Variants in CYTH3 observed in about 807,000 individuals in gnomAD.
The protein encoded by CYTH3 is cytohesin-3.
A neutral mutation model predicts 55.1 loss-of-function variants in CYTH3; 23 were observed. The observed-to-expected ratio is 0.42, with a 90% CI of 0.30 to 0.59. CYTH3 has a LOEUF of 0.59. Ranked by LOEUF, CYTH3 falls within the 20% of genes least tolerant of loss-of-function variation. CYTH3 has a pLI of 0.20. For missense variants in CYTH3, 413 were observed against 524.8 expected (o/e 0.79, Z 2.08); for synonymous variants, 249 against 194.9 (o/e 1.28, Z -2.31).
intron 1 of CYTH3, among the ~76,000 whole-genome samples, chr7:6,230,524 G>C (rs1011947414): frequency 1.3e-5 from 2 of 152,126 alleles, no homozygotes; most frequent in Non-Finnish European, 2.9e-5. Flanking sequence ...TGTGTCTTAG[G>C]GGACTGAAAT....
intron 1 of CYTH3, among the ~76,000 whole-genome samples, chr7:6,234,519 G>A (rs566343139): frequency 6.6e-6 from 1 of 152,302 alleles, no homozygotes; most frequent in East Asian, 1.9e-4. Context: ...AAGCCCCATA[G>A]AGGAAGTCAC....
intron 1 of CYTH3, among the ~76,000 whole-genome samples, chr7:6,193,886 G>A (rs1302917510): frequency 6.6e-6 from 1 of 152,098 alleles, no homozygotes; most frequent in Non-Finnish European, 1.5e-5. Context: ...CTTCTCCACT[G>A]GGCTCCCCGA....
At chr7:6,226,228 A>T (rs140983979) in intron 1 of CYTH3, among the ~76,000 whole-genome samples, 2 of 152,316 alleles carry the variant, frequency 1.3e-5, no homozygotes, top group Admixed American at 1.3e-4. Context: ...CCTCCTGTAC[A>T]CACACATCCA....
At chr7:6,181,705 C>A (rs1481423768) in intron 4 of CYTH3, among the ~76,000 whole-genome samples, 1 of 152,168 alleles carries the variant, frequency 6.6e-6, no homozygotes, top group African/African-American at 2.4e-5. Context: ...TTCCTCTCCT[C>A]CACTTTCCAT....
intron 1 of CYTH3, among the ~76,000 whole-genome samples, chr7:6,203,298 T>C (rs1028026885): frequency 5.3e-5 from 8 of 152,304 alleles, no homozygotes; most frequent in Middle Eastern, 3.4e-3. Context: ...TTTTCACATT[T>C]TAACATATTT....
At chr7:6,215,905 G>T (rs895230250) in intron 1 of CYTH3, among the ~76,000 whole-genome samples, 1 of 152,198 alleles carries the variant, frequency 6.6e-6, no homozygotes, top group Non-Finnish European at 1.5e-5. Flanking sequence ...CATTCTTCAA[G>T]TGAAGAAAGA....
chr7:6,177,487 T>C (rs1341019804), intron 5 of CYTH3, among the ~76,000 whole-genome samples: 2 of 152,206 alleles, frequency 1.3e-5, no homozygotes, highest in Non-Finnish European at 2.9e-5. Context: ...AAATCAGGCT[T>C]ATTTCTGGGC....
At chr7:6,271,746 G>A (rs1041042346) in intron 1 of CYTH3, among the ~76,000 whole-genome samples, 3 of 152,098 alleles carry the variant, frequency 2.0e-5, no homozygotes, top group African/African-American at 4.8e-5. Flanking sequence ...CGACCCACTC[G>A]GGAGCACACC....
chr7:6,206,864 C>G (rs1425949914), intron 1 of CYTH3, among the ~76,000 whole-genome samples: 1 of 152,030 alleles, frequency 6.6e-6, no homozygotes, highest in African/African-American at 2.4e-5. Flanking sequence ...AAGTAAAGGT[C>G]AAATCCCAGC....
chr7:6,265,687 G>A (rs577181250), intron 1 of CYTH3, among the ~76,000 whole-genome samples: 1 of 152,026 alleles, frequency 6.6e-6, no homozygotes, highest in South Asian at 2.1e-4. Flanking sequence ...CCATGGCCAT[G>A]GTAAGGTGGT....
intron 1 of CYTH3, among the ~76,000 whole-genome samples, chr7:6,258,099 T>C (rs1300099784): frequency 6.6e-6 from 1 of 152,102 alleles, no homozygotes. Flanking sequence ...CGTAGCAAGA[T>C]CTTGTCTCTA....
At chr7:6,194,550 T>C (rs888783027) in intron 1 of CYTH3, among the ~76,000 whole-genome samples, 1 of 152,174 alleles carries the variant, frequency 6.6e-6, no homozygotes, top group African/African-American at 2.4e-5. Flanking sequence ...TGGAAAACAA[T>C]TTGTCTATTA....
intron 1 of CYTH3, among the ~76,000 whole-genome samples, chr7:6,192,529 ATTTTT>A (rs36036670): frequency 2.7e-5 from 3 of 111,314 alleles, no homozygotes; most frequent in South Asian, 3.0e-4. Flanking sequence ...CCACAAGTCA[ATTTTT>A]TTTTTTTTTT....
chr7:6,223,159 T>G (rs923091995), intron 1 of CYTH3, among the ~76,000 whole-genome samples: 1 of 152,056 alleles, frequency 6.6e-6, no homozygotes, highest in Non-Finnish European at 1.5e-5. Context: ...GGCCGCCCCG[T>G]CTGGGAGGTG....
rs1286288312 is a variant in CYTH3 at position 6,164,852 on chromosome 7, C to G, written c.*92G>C. On this transcript the variant is annotated 3_prime_UTR_variant, in exon 13 of 13. Transcript: ENST00000350796. ...AGCAGCAGCTTGCACCGCAGGGCGACTGCCTCCCTGCCACGCCTTCCGCGG... is the reference window on the plus strand; with the variant it reads ...AGCAGCAGCTTGCACCGCAGGGCGAGTGCCTCCCTGCCACGCCTTCCGCGG... 1.4e-6 allele frequency: 2 copies of G among 1,408,790 alleles called. No individual in the cohort carries two copies. The highest frequency in any genetic ancestry group is 1.7e-5 in the Admixed American group (1 of 58,878). 87.3% of individuals were successfully genotyped at this position (1,408,790 alleles called of 1,614,324 possible).
chr7:6,165,602 C>T lies in CYTH3; in HGVS notation c.915G>A (p.Arg305=). The change falls in exon 11 of 13, where the codon AGG becomes AGA. Residue 305 remains arginine (R), a synonymous_variant. Transcript: ENST00000350796. The part of the protein sequence containing the change: ...YFEYTTDKEP[R]GIIPLENLSI... ...TGAGGTTTTCCAACGGGATGATTCC[C>T]CTGGGCTCCTTATCCTACAAGAGGA... The T allele has an allele frequency of 6.2e-7, 1 of 1,614,076 alleles. No homozygotes were observed. The highest frequency in any genetic ancestry group is 8.5e-7 in the Non-Finnish European group (1 of 1,179,972).
At chr7:6,229,649 A>G (rs894083039) in intron 1 of CYTH3, among the ~76,000 whole-genome samples, 6 of 86,998 alleles carry the variant, frequency 6.9e-5, no homozygotes, top group African/African-American at 9.7e-5. Flanking sequence ...GTCTCTACTG[A>G]AAAAAAAAAA....
chr7:6,170,490 T>C lies in CYTH3; in HGVS notation c.823+45A>G, dbSNP rs1477360327. 3 of 1,565,434 alleles carry C rather than the reference T, an allele frequency of 1.9e-6. No homozygotes were observed. The highest frequency in any genetic ancestry group is 1.4e-5 in the African/African-American group (1 of 73,650). On this transcript the variant is annotated intron_variant, in intron 9 of 12. Transcript: ENST00000350796. The surrounding 1 kb of genome is among the most constrained non-coding windows in gnomAD (Gnocchi z 7.8). ...GGAGGAACCCGAGGGGCTGCTGCCA[T>C]GGGCAGAGGGGTCACGCCCGGGTCC...
rs907233447 is a variant in CYTH3 at position 6,229,398 on chromosome 7, G to C, written c.35-38867C>G. Among the ~76,000 whole-genome samples the C allele has an allele frequency of 3.3e-5, 5 of 152,098 alleles. 1 individual carries two copies. In the South Asian group the frequency reaches 1.0e-3, roughly 31 times the overall value. On this transcript the variant is annotated intron_variant, in intron 1 of 12. Transcript: ENST00000350796. ...AGAATGAAGAAAGCGTGCTTGCTGC[G>C]GCAGACTCCAGGAACAAGCAACAGT...
Sources: gnomAD v4.1 joint callset for allele counts (sites outside exome capture counted in the v4.1 genomes callset) on GRCh38, gnomAD v4.1.1 for gene constraint, Gnocchi (gnomAD v3.1) non-coding constraint, MANE v1.5 for transcripts, NCBI Gene and HGNC (gene_info 2026-07-23, HGNC 2026-07-21) for gene names.